Variants in GSE1 observed in about 807,000 individuals in gnomAD.
The protein encoded by GSE1 is genetic suppressor element 1.
Under a neutral mutation model 112.6 loss-of-function variants are expected in GSE1, and 32 were observed. The observed-to-expected ratio is 0.28, with a 90% CI of 0.21 to 0.38. The LOEUF (loss-of-function observed/expected upper bound fraction) is 0.38. GSE1 is among the 10% of genes least tolerant of loss of function. GSE1 has a pLI of 1.00. For missense variants in GSE1, 2,348 were observed against 1,699.2 expected (o/e 1.38, Z -6.71); for synonymous variants, 1,115 against 735.6 (o/e 1.52, Z -8.35).
At chr16:85,328,247 C>T (rs779805172) in intron 1 of GSE1, among the ~76,000 whole-genome samples, 5 of 152,324 alleles carry the variant, frequency 3.3e-5, no homozygotes, top group East Asian at 3.9e-4. Context: ...AGCCCCCAGA[C>T]GGGGCGAAAG....
chr16:85,520,297 C>G (rs1011532825), intron 2 of GSE1, among the ~76,000 whole-genome samples: 1 of 152,222 alleles, frequency 6.6e-6, no homozygotes, highest in Non-Finnish European at 1.5e-5. Context: ...GCCCCAACTC[C>G]TAACACCATC....
At chr16:85,265,380 G>A (rs1253639646) in intron 1 of GSE1, among the ~76,000 whole-genome samples, 1 of 152,176 alleles carries the variant, frequency 6.6e-6, no homozygotes, top group East Asian at 1.9e-4. Flanking sequence ...AAGGCTGATT[G>A]CTCAGAGTTG....
intron 2 of GSE1, among the ~76,000 whole-genome samples, chr16:85,482,318 G>T (rs895907924): frequency 6.6e-6 from 1 of 152,260 alleles, no homozygotes; most frequent in African/African-American, 2.4e-5. Flanking sequence ...GATCGCACTT[G>T]CGTGCTTCCT....
chr16:85,234,643 A>G (rs1342700357), intron 1 of GSE1, among the ~76,000 whole-genome samples: 1 of 152,154 alleles, frequency 6.6e-6, no homozygotes, highest in Admixed American at 6.5e-5. Flanking sequence ...TGACGTTCCC[A>G]ACGCCAGGAG....
At chr16:85,340,686 C>A (rs2046606391) in intron 1 of GSE1, among the ~76,000 whole-genome samples, 1 of 152,176 alleles carries the variant, frequency 6.6e-6, no homozygotes, top group African/African-American at 2.4e-5. Flanking sequence ...TGTTCGGGAC[C>A]AGCTCCTGAT....
chr16:85,657,210 G>A, intron 7 of GSE1, 67 bp from the exon 8 acceptor site: 1 of 1,119,844 alleles, frequency 8.9e-7, no homozygotes, highest in South Asian at 1.6e-5. Flanking sequence ...TTGGGTGAGA[G>A]AGGACGGGGA....
At chr16:85,221,303 C>T (rs1202546632) in intron 1 of GSE1, among the ~76,000 whole-genome samples, 1 of 140,574 alleles carries the variant, frequency 7.1e-6, no homozygotes, top group African/African-American at 2.7e-5. Flanking sequence ...GTTCACACTT[C>T]CCTAGCGCGC....
chr16:85,536,176 C>T (rs924156574), intron 2 of GSE1, among the ~76,000 whole-genome samples: 7 of 152,352 alleles, frequency 4.6e-5, no homozygotes, highest in Admixed American at 4.6e-4. Flanking sequence ...GCCAGGTCAC[C>T]AACAAGGCTT....
chr16:85,197,388 T>C (rs2074948267), intron 1 of GSE1, among the ~76,000 whole-genome samples: 1 of 152,196 alleles, frequency 6.6e-6, no homozygotes, highest in South Asian at 2.1e-4. Context: ...CCCTTTCTCT[T>C]CCTCGGGGAA....
rs1008749970 is a variant in GSE1, at chr16:85,582,365, A to G, written c.37+26002A>G. ...CCACTGCAGAAGCTGGCTGCGGTTC[A>G]TGGGGGATGGGGAAGCCCCCACGTG... is the stretch of plus-strand genomic sequence containing the variant. On this transcript the variant is annotated intron_variant, in intron 1 of 2. Transcript: ENST00000635906. Among the ~76,000 whole-genome samples the G allele has an allele frequency of 9.2e-5, 14 of 152,302 alleles. 1 individual carries two copies. The highest frequency in any genetic ancestry group is 3.4e-4 in the African/African-American group (14 of 41,566).
chr16:85,235,576 T>TG lies in GSE1; in HGVS notation c.2283+63779dup, dbSNP rs11324376. 4.9e-3 allele frequency among the ~76,000 whole-genome samples: 562 copies of TG among 114,558 alleles called. 8 individuals are homozygous for TG. Among genetic ancestry groups the TG allele is most frequent in the African/African-American group, 7.5e-3 (229 of 30,564 alleles). The allele number at this position is 114,558 out of a possible 152,430, so 75.2% of individuals were successfully genotyped here. On this transcript the variant is annotated intron_variant, in intron 1 of 2. Coordinates refer to the GSE1 transcript ENST00000637419. The stretch of plus-strand genomic sequence containing the variant: ...AAGGGACTATATGTGTGTGTGTGGG[T>TG]GGGGGGGGGGCGCGTGTTCTCGCCC...
chr16:85,453,155 C>T lies in GSE1; in HGVS notation c.2464+95512C>T, dbSNP rs115097303. On this transcript the variant is annotated intron_variant, in intron 2 of 2. Transcript: ENST00000637419. The stretch of plus-strand genomic sequence containing the variant: ...TTAGCAACTGCCAGGCAGTCCTTTC[C>T]AGCTCCCGTATCGGGGGAAGGTTCT... 7.8e-3 allele frequency among the ~76,000 whole-genome samples: 1,186 copies of T among 152,258 alleles called. 15 individuals carry two copies. The highest frequency in any genetic ancestry group is 0.027 in the African/African-American group (1,111 of 41,546).
intron 2 of GSE1, among the ~76,000 whole-genome samples, chr16:85,543,317 A>G (rs937224917): frequency 3.9e-5 from 6 of 152,106 alleles, no homozygotes; most frequent in Admixed American, 2.0e-4. Flanking sequence ...CCTGGATTCT[A>G]TAGAGATAGC....
At chr16:85,402,069 T>TC (rs2048127237) in intron 2 of GSE1, among the ~76,000 whole-genome samples, 1 of 152,218 alleles carries the variant, frequency 6.6e-6, no homozygotes, top group Non-Finnish European at 1.5e-5. Flanking sequence ...TCCTCACAAG[T>TC]CGTTCTGTTC....
chr16:85,458,977 C>G (rs1280165852), intron 2 of GSE1, among the ~76,000 whole-genome samples: 1 of 152,204 alleles, frequency 6.6e-6, no homozygotes, highest in Non-Finnish European at 1.5e-5. Context: ...GTGGGGCAAG[C>G]AGTGCCCTCC....
At chr16:85,628,925 T>G (rs1198850619) in intron 1 of GSE1, among the ~76,000 whole-genome samples, 1 of 152,152 alleles carries the variant, frequency 6.6e-6, no homozygotes, top group Non-Finnish European at 1.5e-5. Flanking sequence ...TGGAAATGTG[T>G]CCTCCAGTTT....
intron 2 of GSE1, among the ~76,000 whole-genome samples, chr16:85,410,546 C>G (rs1337978673): frequency 7.0e-5 from 1 of 14,224 alleles, no homozygotes; most frequent in African/African-American, 3.6e-4. Context: ...ATAATCCTCA[C>G]TGTTGCACTC....
rs529642825 is a variant in GSE1 at position 85,467,735 on chromosome 16, G to A, written c.2464+110092G>A. Among the ~76,000 whole-genome samples the A allele has an allele frequency of 4.6e-5, 7 of 152,318 alleles. No homozygotes were observed. In the South Asian group the frequency reaches 1.0e-3, roughly 23 times the overall value. On this transcript the variant is annotated intron_variant, in intron 2 of 2. Coordinates refer to the GSE1 transcript ENST00000637419. ...TGGTGGTAGCCACCAAAGGCTGCCC[G>A]GGTTCAAGGGGAAGGTACGGAGATA...
rs1386775750 is a variant in GSE1 at position 85,408,721 on chromosome 16, T to C, written c.2464+51078T>C. Among the ~76,000 whole-genome samples, 3 of 58,470 alleles carry C rather than the reference T, an allele frequency of 5.1e-5. 1 individual carries two copies. Among genetic ancestry groups the C allele is most frequent in the African/African-American group, 1.8e-4 (2 of 11,386 alleles). 38.4% of individuals were successfully genotyped at this position (58,470 alleles called of 152,430 possible). ...TCCTCACTGTTACACTCAGGGCACCTGGATAATCCTCACTGTCACTCTCAG... is the reference window on the plus strand; with the variant it reads ...TCCTCACTGTTACACTCAGGGCACCCGGATAATCCTCACTGTCACTCTCAG... On this transcript the variant is annotated intron_variant, in intron 2 of 2. Transcript: ENST00000637419.
Sources: allele counts gnomAD v4.1 joint callset (sites outside exome capture counted in the v4.1 genomes callset), GRCh38; gene constraint gnomAD v4.1.1; transcripts MANE v1.5; gene names NCBI Gene and HGNC (gene_info 2026-07-23, HGNC 2026-07-21).